Variants in VPS13B observed in about 807,000 individuals in gnomAD.
VPS13B encodes the protein vacuolar protein sorting 13 homolog B, also known as intermembrane lipid transfer protein VPS13B.
VPS13B carries 285 observed loss-of-function variants against 426.4 expected under a neutral mutation model. The ratio of observed to expected loss-of-function variants is 0.67; its 90% CI spans 0.61 to 0.74. The LOEUF is 0.74. Among genes scored for constraint, VPS13B ranks in the 30% least tolerant of loss-of-function variants. VPS13B has a pLI of 0.00. For missense variants in VPS13B, 4,537 were observed against 4,782.6 expected (o/e 0.95, Z 1.51); for synonymous variants, 1,676 against 1,676.4 (o/e 1.00, Z 0.01).
chr8:99,128,917 A>G (rs1035012330), intron 8 of VPS13B, among the ~76,000 whole-genome samples: 2 of 152,088 alleles, frequency 1.3e-5, no homozygotes, highest in African/African-American at 4.8e-5. Context: ...AGGCGGGCGG[A>G]TCATGAGGTC....
chr8:99,287,989 G>A (rs898421602), intron 19 of VPS13B, among the ~76,000 whole-genome samples: 4 of 151,854 alleles, frequency 2.6e-5, no homozygotes, highest in Admixed American at 6.6e-5. Context: ...TCCAAGATGC[G>A]TTTGAAAGAC....
At chr8:99,825,352 T>A (rs990201603) in intron 51 of VPS13B, among the ~76,000 whole-genome samples, 1 of 152,170 alleles carries the variant, frequency 6.6e-6, no homozygotes, top group Non-Finnish European at 1.5e-5. Context: ...TTTCAGGTTT[T>A]TTGACCACGT....
intron 3 of VPS13B, among the ~76,000 whole-genome samples, chr8:99,053,534 C>T (rs1843675005): frequency 1.3e-5 from 2 of 151,964 alleles, no homozygotes; most frequent in South Asian, 4.2e-4. Flanking sequence ...CTTTCTGTTT[C>T]TATGATTTTG....
At chr8:99,507,618 G>C (rs1821568648) in intron 28 of VPS13B, 2 of 1,126,014 alleles carry the variant, frequency 1.8e-6, no homozygotes, top group Admixed American at 2.3e-5. Context: ...TTTTGCAGAA[G>C]ATGGTCCAGG....
chr8:99,052,872 G>C (rs939468303), intron 3 of VPS13B, among the ~76,000 whole-genome samples: 5 of 152,088 alleles, frequency 3.3e-5, no homozygotes, highest in Non-Finnish European at 5.9e-5. Context: ...GGGATTGGTG[G>C]TGATATCCCC....
intron 21 of VPS13B, 98 bp downstream of exon 21, chr8:99,391,802 G>C (rs1472309581): frequency 6.9e-7 from 1 of 1,444,894 alleles, no homozygotes; most frequent in Admixed American, 1.9e-5. Context: ...AAAGACATGA[G>C]ACTCATTGAG....
chr8:99,844,473 T>G (rs1474797409), intron 54 of VPS13B, among the ~76,000 whole-genome samples: 1 of 151,652 alleles, frequency 6.6e-6, no homozygotes, highest in Non-Finnish European at 1.5e-5. Context: ...GTTCAAGTGA[T>G]TCTCCTGCCT....
intron 2 of VPS13B, among the ~76,000 whole-genome samples, chr8:99,020,071 T>A (rs1841810440): frequency 6.6e-6 from 1 of 152,232 alleles, no homozygotes; most frequent in Non-Finnish European, 1.5e-5. Context: ...CCACAATGAT[T>A]GCATTGTTTT....
chr8:99,020,911 A>G (rs978878505), intron 2 of VPS13B, among the ~76,000 whole-genome samples: 1 of 152,254 alleles, frequency 6.6e-6, no homozygotes, highest in Non-Finnish European at 1.5e-5. Flanking sequence ...AGTGTTAGGA[A>G]GAATTAAACA....
chr8:99,220,218 C>G (rs1246143034), intron 17 of VPS13B, among the ~76,000 whole-genome samples: 1 of 152,116 alleles, frequency 6.6e-6, no homozygotes, highest in African/African-American at 2.4e-5. Context: ...GTTTCTGAGG[C>G]CTTGTCTTTC....
rs1159435310 is a variant in VPS13B at position 99,875,857 on chromosome 8, CT to C, written c.*192del. 6 of 685,758 alleles carry C rather than the reference CT, an allele frequency of 8.7e-6. No individual in the cohort carries two copies. The African/African-American group carries it at 1.1e-4, about 12-fold the overall frequency. The allele number at this position is 685,758 out of a possible 1,614,324, so 42.5% of individuals were successfully genotyped here. On this transcript the variant is annotated 3_prime_UTR_variant, in exon 62 of 62. Coordinates refer to ENST00000357162, the MANE Select transcript of VPS13B (RefSeq NM_152564.5). Reference sequence around the variant, plus strand: ...GGCTGCATTTTGCCACCATAAAGGGCTGCATTTTTTTAAAAAGCCTAGGCAG... The same window carrying C: ...GGCTGCATTTTGCCACCATAAAGGGCGCATTTTTTTAAAAAGCCTAGGCAG...
chr8:99,044,272 A>G (rs1169405344), intron 3 of VPS13B, among the ~76,000 whole-genome samples: 4 of 151,262 alleles, frequency 2.6e-5, no homozygotes, highest in Admixed American at 6.6e-5. Flanking sequence ...TTTAGTAGAG[A>G]CGGGGTTTCA....
chr8:99,808,268 C>T (rs992513289), intron 43 of VPS13B, among the ~76,000 whole-genome samples: 28 of 152,092 alleles, frequency 1.8e-4, no homozygotes, highest in Non-Finnish European at 3.7e-4. Context: ...CGCCTGTAAT[C>T]CTAGCACTTT....
chr8:99,651,139 T>C (rs925146055), intron 34 of VPS13B, among the ~76,000 whole-genome samples: 2 of 152,094 alleles, frequency 1.3e-5, no homozygotes, highest in Admixed American at 6.6e-5. Context: ...TTTAAACATA[T>C]ACATTTAAAA....
intron 3 of VPS13B, among the ~76,000 whole-genome samples, chr8:99,081,351 T>C (rs1845443861): frequency 6.6e-6 from 1 of 152,186 alleles, no homozygotes; most frequent in South Asian, 2.1e-4. Flanking sequence ...CCATCCTCAA[T>C]GTTTTTATCT....
intron 39 of VPS13B, among the ~76,000 whole-genome samples, chr8:99,763,048 A>G (rs1407327383): frequency 2.1e-5 from 3 of 142,160 alleles, no homozygotes; most frequent in Non-Finnish European, 4.6e-5. Context: ...AAGTGGGAGG[A>G]TCGCTTGAGC....
intron 33 of VPS13B, among the ~76,000 whole-genome samples, chr8:99,624,007 A>ATTTTT (rs1165382455): frequency 2.1e-4 from 21 of 101,102 alleles, no homozygotes; most frequent in Non-Finnish European, 3.0e-4. Flanking sequence ...ATATATATAT[A>ATTTTT]TTTTTTTTTT....
At chr8:99,311,870 T>G (rs1453686058) in intron 19 of VPS13B, among the ~76,000 whole-genome samples, 1 of 152,204 alleles carries the variant, frequency 6.6e-6, no homozygotes. Context: ...TGGGTGCATA[T>G]ATGATTAGGG....
At chr8:99,616,926 A>G (rs116036352) in intron 33 of VPS13B, among the ~76,000 whole-genome samples, 65 of 152,380 alleles carry the variant, frequency 4.3e-4, no homozygotes, top group African/African-American at 1.4e-3. Flanking sequence ...TGAAGTGACA[A>G]TAATATATTG....
Sources: allele counts gnomAD v4.1 joint callset (sites outside exome capture counted in the v4.1 genomes callset), GRCh38; gene constraint gnomAD v4.1.1; transcripts MANE v1.5; gene names NCBI Gene and HGNC (gene_info 2026-07-23, HGNC 2026-07-21).